The following ABTB3 variants were observed in gnomAD, a reference collection of about 807,000 sequenced individuals.
ABTB3 encodes the protein ankyrin repeat- and BTB/POZ domain-containing protein 3.
the ABTB3 span, chr12:107,649,234 G>T: frequency 6.2e-7 from 1 of 1,613,718 alleles, no homozygotes; most frequent in Non-Finnish European, 8.5e-7. Flanking sequence ...TACTATGGTG[G>T]CCCAGAGTCA....
chr12:107,629,702 G>A, the ABTB3 span, among the ~76,000 whole-genome samples: 1 of 147,784 alleles, frequency 6.8e-6, no homozygotes, highest in Non-Finnish European at 1.5e-5. Flanking sequence ...TGAGACTGCA[G>A]CCTGTTATCC....
the ABTB3 span, among the ~76,000 whole-genome samples, chr12:107,507,122 A>G: frequency 2.6e-5 from 4 of 152,098 alleles, no homozygotes; most frequent in Non-Finnish European, 5.9e-5. Context: ...CAACATGTTG[A>G]TAGGGAATCA....
chr12:107,493,819 C>A, the ABTB3 span, among the ~76,000 whole-genome samples: 1 of 152,118 alleles, frequency 6.6e-6, no homozygotes, highest in Non-Finnish European at 1.5e-5. Context: ...ACAATACAAC[C>A]AGGAAATGCG....
chr12:107,617,419 T>A, the ABTB3 span: 1 of 1,614,148 alleles, frequency 6.2e-7, no homozygotes, highest in Non-Finnish European at 8.5e-7. Context: ...TCAGCCAGGC[T>A]GCAGCCCACG....
chr12:107,500,982 C>T, the ABTB3 span, among the ~76,000 whole-genome samples: 1 of 152,202 alleles, frequency 6.6e-6, no homozygotes, highest in Non-Finnish European at 1.5e-5. Context: ...GCCAAACAGA[C>T]TAGGTTCTAG....
chr12:107,466,124 G>A, the ABTB3 span, among the ~76,000 whole-genome samples: 4 of 152,084 alleles, frequency 2.6e-5, no homozygotes, highest in Admixed American at 1.3e-4. Flanking sequence ...TTGCTTTGGG[G>A]GAAAGTCTTA....
At chr12:107,515,246 T>G in the ABTB3 span, among the ~76,000 whole-genome samples, 1 of 152,184 alleles carries the variant, frequency 6.6e-6, no homozygotes, top group African/African-American at 2.4e-5. Flanking sequence ...AAGCAACATT[T>G]TAAAACAAAG....
At chr12:107,656,613 G>C in the ABTB3 span, among the ~76,000 whole-genome samples, 2 of 152,246 alleles carry the variant, frequency 1.3e-5, no homozygotes, top group Non-Finnish European at 2.9e-5. Flanking sequence ...TAGTTGTGTG[G>C]AGATAGGCCA....
the ABTB3 span, among the ~76,000 whole-genome samples, chr12:107,347,802 A>T: frequency 6.6e-6 from 1 of 152,160 alleles, no homozygotes; most frequent in Non-Finnish European, 1.5e-5. Context: ...CCCTGCCAAA[A>T]AGCATGTGCA....
the ABTB3 span, among the ~76,000 whole-genome samples, chr12:107,628,379 G>T: frequency 6.6e-6 from 1 of 152,170 alleles, no homozygotes; most frequent in African/African-American, 2.4e-5. Flanking sequence ...CTGACCTCAG[G>T]TGATCCACCC....
chr12:107,652,882 T>A, the ABTB3 span, among the ~76,000 whole-genome samples: 1 of 152,324 alleles, frequency 6.6e-6, no homozygotes, highest in South Asian at 2.1e-4. Context: ...CCAGTTAAGA[T>A]GAGGAGTTAG....
the ABTB3 span, among the ~76,000 whole-genome samples, chr12:107,437,997 A>G: frequency 1.4e-3 from 208 of 152,170 alleles, no homozygotes; most frequent in Middle Eastern, 6.8e-3. Flanking sequence ...AACAAGAGAG[A>G]CTGATTTGCA....
At chr12:107,467,885 C>T in the ABTB3 span, among the ~76,000 whole-genome samples, 1 of 152,196 alleles carries the variant, frequency 6.6e-6, no homozygotes, top group Admixed American at 6.5e-5. Flanking sequence ...GCTTGCCTGG[C>T]TTCAGAGGGC....
At chr12:107,444,039 G>A in the ABTB3 span, among the ~76,000 whole-genome samples, 2 of 152,154 alleles carry the variant, frequency 1.3e-5, no homozygotes, top group Non-Finnish European at 2.9e-5. Context: ...GGAAAGGAAC[G>A]GAACCTCCCC....
chr12:107,432,914 T>C, the ABTB3 span, among the ~76,000 whole-genome samples: 1 of 152,136 alleles, frequency 6.6e-6, no homozygotes, highest in Non-Finnish European at 1.5e-5. Flanking sequence ...AGCTTCCTTC[T>C]CCACAGCCCA....
chr12:107,644,361 A>G, the ABTB3 span, among the ~76,000 whole-genome samples: 1 of 152,190 alleles, frequency 6.6e-6, no homozygotes, highest in African/African-American at 2.4e-5. Context: ...GCTATACATC[A>G]GACCAATTAA....
At chr12:107,413,434 G>A in the ABTB3 span, among the ~76,000 whole-genome samples, 4 of 152,090 alleles carry the variant, frequency 2.6e-5, no homozygotes, top group Non-Finnish European at 5.9e-5. Context: ...GCACCTTCAC[G>A]CTTACTGTTG....
the ABTB3 span, among the ~76,000 whole-genome samples, chr12:107,561,338 G>A: frequency 6.6e-6 from 1 of 152,122 alleles, no homozygotes; most frequent in Non-Finnish European, 1.5e-5. Flanking sequence ...CTTTCTGGAA[G>A]TACTGTCCCT....
chr12:107,505,603 G>A, the ABTB3 span, among the ~76,000 whole-genome samples: 3 of 151,754 alleles, frequency 2.0e-5, no homozygotes, highest in East Asian at 5.8e-4. Flanking sequence ...TTTTAAGTGG[G>A]GGTTGTAGTA....
Sources: gnomAD v4.1 joint callset for allele counts (sites outside exome capture counted in the v4.1 genomes callset) on GRCh38, gnomAD v4.1.1 for gene constraint, MANE v1.5 for transcripts, NCBI Gene and HGNC (gene_info 2026-07-23, HGNC 2026-07-21) for gene names.